Variants in APOBEC3C observed in about 807,000 individuals in gnomAD.
APOBEC3C encodes the protein DNA dC->dU-editing enzyme APOBEC-3C.
In APOBEC3C, 14 loss-of-function variants were observed where a neutral mutation model predicts 20.6. The observed-to-expected ratio is 0.68, with a 90% CI of 0.45 to 1.06. The LOEUF is 1.06. Ranked by LOEUF, APOBEC3C falls within the 50% of genes least tolerant of loss-of-function variation. The pLI is 0.00. For synonymous variants in APOBEC3C, 98 were observed against 88.8 expected, an observed-to-expected ratio of 1.10 and a Z score of -0.58; for missense variants, 244 against 241.9, an observed-to-expected ratio of 1.01 and a Z score of -0.06.
chr22:39,019,164 C>A lies in APOBEC3C; in HGVS notation c.*777C>A, dbSNP rs1446281971. On this transcript the variant is annotated 3_prime_UTR_variant, in exon 4 of 4. Transcript: ENST00000361441. ...AGGGAGGAAAAGCAGTCAGGCCACA[C>A]AACATTGTTTCCGAAATGGACTTCT... is the stretch of plus-strand genomic sequence containing the variant. 4 of 152,226 alleles carry A rather than the reference C, an allele frequency of 2.6e-5. No individual in the cohort carries two copies. Among genetic ancestry groups the A allele is most frequent in the South Asian group, 2.1e-4 (1 of 4,834 alleles). 9.4% of individuals were successfully genotyped at this position (152,226 alleles called of 1,614,324 possible). A position where few individuals can be genotyped will look rare whatever the true frequency, so the allele number is the denominator to read the frequency against.
chr22:39,018,435 T>C lies in APOBEC3C; in HGVS notation c.*48T>C. 6.3e-7 allele frequency: 1 copy of C among 1,593,432 alleles called. No homozygotes were observed. On this transcript the variant is annotated 3_prime_UTR_variant, in exon 4 of 4. Coordinates refer to ENST00000361441, the MANE Select transcript of APOBEC3C (RefSeq NM_014508.3). ...TCTGTCTCCTCTAGCCTCCTGCTCATGCTGCACGGGCCTCCCCTCCACCCT... is the reference window on the plus strand; with the variant it reads ...TCTGTCTCCTCTAGCCTCCTGCTCACGCTGCACGGGCCTCCCCTCCACCCT...
Position 39,018,505 on chromosome 22 carries a change from C to T in APOBEC3C, c.*118C>T. 1.6e-6 allele frequency: 2 copies of T among 1,257,366 alleles called. No homozygotes were observed. Among genetic ancestry groups the T allele is most frequent in the South Asian group, 1.4e-5 (1 of 70,848 alleles). 77.9% of individuals were successfully genotyped at this position (1,257,366 alleles called of 1,614,324 possible). ...CTGGTCATCCTGAGCCCCTCCTGGC[C>T]TCAGGGCCATTCCACAGTGCTCCCC... On this transcript the variant is annotated 3_prime_UTR_variant, in exon 4 of 4. Coordinates refer to ENST00000361441, the MANE Select transcript of APOBEC3C (RefSeq NM_014508.3).
Position 39,018,579 on chromosome 22 carries a change from C to T in APOBEC3C, c.*192C>T. Reference sequence around the variant, plus strand: ...CTTCCAGACTCTTCCTGCAGAGGCTCCTTTCTGCCTCCATGGCTATCCATC... The same window carrying T: ...CTTCCAGACTCTTCCTGCAGAGGCTTCTTTCTGCCTCCATGGCTATCCATC... On this transcript the variant is annotated 3_prime_UTR_variant, in exon 4 of 4. Transcript: ENST00000361441. 5.0e-6 allele frequency: 3 copies of T among 598,686 alleles called. No individual in the cohort carries two copies. Among genetic ancestry groups the T allele is most frequent in the Non-Finnish European group, 8.4e-6 (3 of 358,520 alleles). 37.1% of individuals were successfully genotyped at this position (598,686 alleles called of 1,614,324 possible). A position where few individuals can be genotyped will look rare whatever the true frequency, so the allele number is the denominator to read the frequency against.
chr22:39,018,005 G>C lies in APOBEC3C; in HGVS notation c.414G>C (p.Leu138=), dbSNP rs1924860090. Residue 138 remains leucine (L), a synonymous_variant, in exon 3 of 4, where the codon CTG becomes CTC. Transcript: ENST00000361441. ...YPCYQEGLRS[L]SQEGVAVEIM... ...GTTACCAGGAGGGGCTCCGCAGCCT[G>C]AGTCAGGAAGGGGTCGCTGTGGAGA... 1 of 1,614,082 alleles carries C rather than the reference G, an allele frequency of 6.2e-7. No homozygotes were observed. Among genetic ancestry groups the C allele is most frequent in the Non-Finnish European group, 8.5e-7 (1 of 1,180,044 alleles).
chr22:39,018,056 G>C lies in APOBEC3C; in HGVS notation c.454+11G>C, dbSNP rs755220394. ...TCATGGACTATGAAGGTGAGACGTGGGGGGCTGAGGAGAGTGGGTGCAGGA... is the reference window on the plus strand; with the variant it reads ...TCATGGACTATGAAGGTGAGACGTGCGGGGCTGAGGAGAGTGGGTGCAGGA... On this transcript the variant is annotated intron_variant, in intron 3 of 3. Coordinates refer to ENST00000361441, the MANE Select transcript of APOBEC3C (RefSeq NM_014508.3). 7 of 1,613,110 alleles carry C rather than the reference G, an allele frequency of 4.3e-6. No homozygotes were observed. The Admixed American group carries it at 1.2e-4, about 27-fold the overall frequency.
chr22:39,017,511 T>G (rs562028303), intron 2 of APOBEC3C, among the ~76,000 whole-genome samples: 1 of 151,732 alleles, frequency 6.6e-6, no homozygotes, highest in African/African-American at 2.4e-5. Context: ...TGTGGCGGCA[T>G]GCACCTGCAT....
At position 39,016,686 on chromosome 22, in the gene APOBEC3C, C is replaced by T. The variant is rs138288632; in HGVS notation, c.174+935C>T. Among the ~76,000 whole-genome samples, 564 of 152,262 alleles carry T rather than the reference C, an allele frequency of 3.7e-3. 3 individuals are homozygous for T. Among genetic ancestry groups the T allele is most frequent in the African/African-American group, 0.013 (537 of 41,552 alleles). ...ATGGAGCTGTGCGTCCGGCAGTCCT[C>T]GGGAATCAGCAGCTGTGGGAAGCGG... On this transcript the variant is annotated intron_variant, in intron 2 of 3. Transcript: ENST00000361441.
At position 39,015,874 on chromosome 22, in the gene APOBEC3C, ATTTTTTTT is replaced by A. The variant is rs57093395; in HGVS notation, c.174+135_174+142del. The A allele has an allele frequency of 2.8e-5, 15 of 545,232 alleles. No individual in the cohort carries two copies. In the Admixed American group the frequency reaches 6.4e-4, roughly 23 times the overall value. 33.8% of individuals were successfully genotyped at this position (545,232 alleles called of 1,614,324 possible). On this transcript the variant is annotated intron_variant, in intron 2 of 3. Coordinates refer to ENST00000361441, the MANE Select transcript of APOBEC3C (RefSeq NM_014508.3). The stretch of plus-strand genomic sequence containing the variant: ...GTGTGCACTTTCCTGCCACATTTCT[ATTTTTTTT>A]TTTTTTTTTTTGAGATGGAGTCTCG...
At chr22:39,018,087 A>C (rs760347501) in intron 3 of APOBEC3C, 42 bp downstream of exon 3, 2 of 1,605,332 alleles carry the variant, frequency 1.2e-6, no homozygotes, top group Admixed American at 3.3e-5. Flanking sequence ...CAGGAGGGAC[A>C]GCATGAGGGG....
At chr22:39,015,800 G>C in intron 2 of APOBEC3C, 49 bp downstream of exon 2, 1 of 1,573,388 alleles carries the variant, frequency 6.4e-7, no homozygotes, top group Non-Finnish European at 8.6e-7. Context: ...AAGCAGCTGG[G>C]AATGCAGAAA....
chr22:39,014,675 G>A (rs906726436), intron 1 of APOBEC3C, among the ~76,000 whole-genome samples: 2 of 152,196 alleles, frequency 1.3e-5, no homozygotes, highest in Non-Finnish European at 2.9e-5. Flanking sequence ...TGCTTCCTCT[G>A]TGTGCTTCCC....
At position 39,015,559 on chromosome 22, in the gene APOBEC3C, GGTCTCTGCATTGGGGTT is replaced by G; in HGVS notation, c.18-35_18-19del. 1 of 1,606,636 alleles carries G rather than the reference GGTCTCTGCATTGGGGTT, an allele frequency of 6.2e-7. No homozygotes were observed. The highest frequency in any genetic ancestry group is 2.2e-5 in the East Asian group (1 of 44,784). ...TCAGCCCTGAGGACTCCGGTGCGGGGGTCTCTGCATTGGGGTTTCTCTCTTGTGCCTTCAGAAACCCG... is the reference window on the plus strand; with the variant it reads ...TCAGCCCTGAGGACTCCGGTGCGGGGTCTCTCTTGTGCCTTCAGAAACCCG... On this transcript the variant is annotated intron_variant, in intron 1 of 3. Coordinates refer to ENST00000361441, the MANE Select transcript of APOBEC3C (RefSeq NM_014508.3).
intron 3 of APOBEC3C, 99 bp downstream of exon 3, chr22:39,018,144 T>C (rs764636141): frequency 1.0e-5 from 16 of 1,575,472 alleles, no homozygotes; most frequent in Non-Finnish European, 1.4e-5. Flanking sequence ...CCCCTGGGTG[T>C]CTGTGGGGAC....
rs537347800 is a variant in APOBEC3C, at chr22:39,018,620, C to T, written c.*233C>T. ...GCTATCCATCCACCCCCACAGACCCCGTTCCTCCAGCCTGCGTGCCCCTAA... is the reference window on the plus strand; with the variant it reads ...GCTATCCATCCACCCCCACAGACCCTGTTCCTCCAGCCTGCGTGCCCCTAA... On this transcript the variant is annotated 3_prime_UTR_variant, in exon 4 of 4. Coordinates refer to ENST00000361441, the MANE Select transcript of APOBEC3C (RefSeq NM_014508.3). 318 of 418,400 alleles carry T rather than the reference C, an allele frequency of 7.6e-4. No homozygotes were observed. Among genetic ancestry groups the T allele is most frequent in the African/African-American group, 5.3e-3 (264 of 49,628 alleles). 25.9% of individuals were successfully genotyped at this position (418,400 alleles called of 1,614,324 possible).
rs749986879 is a variant in APOBEC3C at position 39,017,760 on chromosome 22, C to T, written c.175-6C>T. On this transcript the variant is annotated splice_region_variant and splice_polypyrimidine_tract_variant and intron_variant, in intron 2 of 3. Transcript: ENST00000361441. ...CTCCCCTGTCCTCCTCCTCCTCCTT[C>T]GCCAGGTGGATTCTGAGACCCATTG... The T allele has an allele frequency of 1.6e-5, 25 of 1,611,030 alleles. No homozygotes were observed. The highest frequency in any genetic ancestry group is 2.2e-5 in the East Asian group (1 of 44,856).
intron 1 of APOBEC3C, among the ~76,000 whole-genome samples, chr22:39,014,616 C>T (rs1170715909): frequency 3.3e-5 from 5 of 152,010 alleles, no homozygotes; most frequent in Non-Finnish European, 7.4e-5. Flanking sequence ...CCTGCTGAGA[C>T]TCTCCCCCGA....
chr22:39,014,541 C>T (rs961924991), intron 1 of APOBEC3C, among the ~76,000 whole-genome samples, 162 bp downstream of exon 1: 2 of 150,864 alleles, frequency 1.3e-5, no homozygotes, highest in Admixed American at 6.6e-5. Flanking sequence ...CCTTGCCCTG[C>T]TGTGTGGTCC....
At position 39,015,670 on chromosome 22, in the gene APOBEC3C, C is replaced by A. The variant is rs139840200; in HGVS notation, c.93C>A (p.Asn31Lys). The change falls in exon 2 of 4, where the codon AAC becomes AAA. Residue 31 changes from asparagine (N) to lysine (K), a missense_variant. By Grantham distance (94) the Asn-to-Lys change is moderately conservative (BLOSUM62 0). Coordinates refer to ENST00000361441, the MANE Select transcript of APOBEC3C (RefSeq NM_014508.3). ...FKNLWEANDRNETWLCFTVEG... is the reference protein window; with the variant it reads ...FKNLWEANDRKETWLCFTVEG... ...ACCTATGGGAAGCCAACGATCGGAACGAAACTTGGCTGTGCTTCACCGTGG... is the reference window on the plus strand; with the variant it reads ...ACCTATGGGAAGCCAACGATCGGAAAGAAACTTGGCTGTGCTTCACCGTGG... 1 of 1,614,110 alleles carries A rather than the reference C, an allele frequency of 6.2e-7. No homozygotes were observed. The highest frequency in any genetic ancestry group is 1.1e-5 in the South Asian group (1 of 91,084).
intron 2 of APOBEC3C, 75 bp downstream of exon 2, chr22:39,015,826 A>G: frequency 6.9e-7 from 1 of 1,440,332 alleles, no homozygotes; most frequent in South Asian, 1.2e-5. Flanking sequence ...ACAATAAGTG[A>G]TGTGCCCGGC....
Sources: gnomAD v4.1 joint callset for allele counts (sites outside exome capture counted in the v4.1 genomes callset) on GRCh38, gnomAD v4.1.1 for gene constraint, MANE v1.5 for transcripts, NCBI Gene and HGNC (gene_info 2026-07-23, HGNC 2026-07-21) for gene names.